The following RALYL variants were observed in gnomAD, a reference collection of about 807,000 sequenced individuals.
RALYL encodes RNA-binding Raly-like protein.
A neutral mutation model predicts 35.1 loss-of-function variants in RALYL; 29 were observed. The observed-to-expected ratio is 0.83, with a 90% CI of 0.61 to 1.13. RALYL has a LOEUF of 1.13. Among genes scored for constraint, RALYL ranks in the 50% most tolerant of loss-of-function variants. The pLI is 0.00. For synonymous variants in RALYL, 120 were observed against 127.6 expected, an observed-to-expected ratio of 0.94 and a Z score of 0.40; for missense variants, 359 against 360.4, an observed-to-expected ratio of 1.00 and a Z score of 0.03.
At chr8:84,541,214 A>G in intron 2 of RALYL, among the ~76,000 whole-genome samples, 1 of 151,580 alleles carries the variant, frequency 6.6e-6, no homozygotes. Context: ...TTAGCTTCTC[A>G]TGTTTTCTAA....
chr8:84,318,710 C>G (rs998805581), intron 1 of RALYL, among the ~76,000 whole-genome samples: 3 of 152,116 alleles, frequency 2.0e-5, no homozygotes, highest in Non-Finnish European at 4.4e-5. Context: ...CAAAAATACT[C>G]ATCAATTGAA....
intron 2 of RALYL, among the ~76,000 whole-genome samples, chr8:84,711,332 G>A (rs1301182907): frequency 1.3e-5 from 2 of 152,124 alleles, no homozygotes; most frequent in East Asian, 3.8e-4. Context: ...ATATTTCTAA[G>A]TGACTTGTGC....
At chr8:84,454,244 A>G (rs1215380962) in intron 1 of RALYL, among the ~76,000 whole-genome samples, 2 of 152,008 alleles carry the variant, frequency 1.3e-5, no homozygotes, top group African/African-American at 2.4e-5. Context: ...TTAGAGATGT[A>G]AGATGGGGGA....
At chr8:84,769,592 C>A (rs1230211461) in intron 2 of RALYL, among the ~76,000 whole-genome samples, 2 of 152,076 alleles carry the variant, frequency 1.3e-5, no homozygotes, top group Non-Finnish European at 2.9e-5. Flanking sequence ...GAAACCCTGT[C>A]TCTGCTAAAA....
At chr8:84,531,182 A>G (rs756810796) in intron 2 of RALYL, among the ~76,000 whole-genome samples, 3 of 152,182 alleles carry the variant, frequency 2.0e-5, no homozygotes, top group Non-Finnish European at 4.4e-5. Flanking sequence ...AGAAGCATAC[A>G]AAAGAAGCAA....
At chr8:84,326,001 A>G (rs1845720859) in intron 1 of RALYL, among the ~76,000 whole-genome samples, 1 of 152,090 alleles carries the variant, frequency 6.6e-6, no homozygotes, top group South Asian at 2.1e-4. Context: ...GGTCTCAGCT[A>G]CTTGGGAGGC....
chr8:84,339,828 G>T (rs537243361), intron 1 of RALYL, among the ~76,000 whole-genome samples: 4 of 152,136 alleles, frequency 2.6e-5, no homozygotes, highest in African/African-American at 9.6e-5. Flanking sequence ...ACGAAATCTA[G>T]TGCTTCCTCC....
chr8:84,554,383 G>T (rs1354811050), intron 2 of RALYL, among the ~76,000 whole-genome samples: 5 of 152,064 alleles, frequency 3.3e-5, no homozygotes, highest in Non-Finnish European at 7.4e-5. Flanking sequence ...TCAAAATAAT[G>T]GTGTTAATTG....
intron 1 of RALYL, among the ~76,000 whole-genome samples, chr8:84,408,584 C>A (rs1041998509): frequency 3.9e-5 from 6 of 152,044 alleles, no homozygotes; most frequent in African/African-American, 1.4e-4. Context: ...AATAAGTGTC[C>A]ATGGACGCTC....
At chr8:84,773,794 A>AAAT (rs1448223696) in intron 2 of RALYL, among the ~76,000 whole-genome samples, 2 of 152,226 alleles carry the variant, frequency 1.3e-5, no homozygotes, top group Non-Finnish European at 2.9e-5. Context: ...TATAAATGGA[A>AAAT]AATATATCAT....
chr8:84,858,109 AC>A (rs1837410372), intron 5 of RALYL, among the ~76,000 whole-genome samples: 2 of 152,082 alleles, frequency 1.3e-5, no homozygotes, highest in Admixed American at 1.3e-4. Flanking sequence ...AATTAATATT[AC>A]CAGTTTTTAG....
At chr8:84,618,346 A>G in intron 2 of RALYL, among the ~76,000 whole-genome samples, 1 of 151,648 alleles carries the variant, frequency 6.6e-6, no homozygotes, top group East Asian at 1.9e-4. Context: ...CGAGGAATTT[A>G]TCCATTTCTT....
intron 7 of RALYL, among the ~76,000 whole-genome samples, chr8:84,885,837 A>G (rs1842848158): frequency 6.6e-6 from 1 of 152,170 alleles, no homozygotes; most frequent in East Asian, 1.9e-4. Context: ...TTATTCAGTG[A>G]AGAGCATACC....
At chr8:84,717,023 C>T (rs554222836) in intron 2 of RALYL, among the ~76,000 whole-genome samples, 2 of 152,130 alleles carry the variant, frequency 1.3e-5, no homozygotes, top group East Asian at 3.9e-4. Flanking sequence ...CCTCTCTCTA[C>T]TAAAAATACA....
At chr8:84,912,332 C>T (rs985906764) in intron 8 of RALYL, among the ~76,000 whole-genome samples, 17 of 151,914 alleles carry the variant, frequency 1.1e-4, no homozygotes, top group Non-Finnish European at 2.1e-4. Context: ...TTTAGGAGCT[C>T]TGTGCTAGGA....
intron 1 of RALYL, among the ~76,000 whole-genome samples, chr8:84,212,373 A>G (rs1170498454): frequency 6.6e-6 from 1 of 152,148 alleles, no homozygotes; most frequent in Non-Finnish European, 1.5e-5. Flanking sequence ...ATCATGCTTA[A>G]TAGTTGATAC....
chr8:84,389,929 A>C (rs1156302924), intron 1 of RALYL, among the ~76,000 whole-genome samples: 1 of 151,636 alleles, frequency 6.6e-6, no homozygotes, highest in Non-Finnish European at 1.5e-5. Flanking sequence ...GCCAGTTTTC[A>C]AAGGGAATGC....
At chr8:84,813,733 C>T (rs2134131949) in intron 4 of RALYL, among the ~76,000 whole-genome samples, 1 of 152,164 alleles carries the variant, frequency 6.6e-6, no homozygotes, top group East Asian at 1.9e-4. Context: ...TGGACACTTA[C>T]AAGCTAGATG....
chr8:84,801,110 A>ATCAT (rs1333921630), intron 3 of RALYL, among the ~76,000 whole-genome samples: 2 of 152,198 alleles, frequency 1.3e-5, no homozygotes, highest in African/African-American at 4.8e-5. Flanking sequence ...AAAGCAGAGC[A>ATCAT]TCATTCAACA....
Sources: gnomAD v4.1 joint callset for allele counts (sites outside exome capture counted in the v4.1 genomes callset) on GRCh38, gnomAD v4.1.1 for gene constraint, MANE v1.5 for transcripts, NCBI Gene and HGNC (gene_info 2026-07-23, HGNC 2026-07-21) for gene names.